The following JPH3 variants were observed in gnomAD, a reference collection of about 807,000 sequenced individuals.
JPH3 encodes the protein junctophilin 3.
In JPH3, 11 loss-of-function variants were observed where a neutral mutation model predicts 59.6. The ratio of observed to expected loss-of-function variants is 0.18; its 90% confidence interval spans 0.12 to 0.31. The LOEUF is 0.31. Among genes scored for constraint, JPH3 ranks in the 10% least tolerant of loss-of-function variants. The pLI, the probability that JPH3 is intolerant of heterozygous loss-of-function variation, is 1.00. For missense variants in JPH3, 1,202 were observed against 1,105.7 expected, an observed-to-expected ratio of 1.09 and a Z score of -1.24; for synonymous variants, 673 against 483.6, an observed-to-expected ratio of 1.39 and a Z score of -5.14.
intron 3 of JPH3, among the ~76,000 whole-genome samples, chr16:87,685,741 C>A: frequency 6.6e-6 from 1 of 152,236 alleles, no homozygotes; most frequent in South Asian, 2.1e-4. Flanking sequence ...TCCAGCCCTG[C>A]CTGCGACTCA....
intron 2 of JPH3, among the ~76,000 whole-genome samples, chr16:87,660,904 A>G (rs947078082): frequency 6.6e-6 from 1 of 152,206 alleles, no homozygotes; most frequent in Non-Finnish European, 1.5e-5. Context: ...CAGTTTTCTC[A>G]TCTGTCCAGT....
chr16:87,656,224 CAG>C (rs1491424577), intron 2 of JPH3, among the ~76,000 whole-genome samples: 37 of 152,356 alleles, frequency 2.4e-4, no homozygotes, highest in Middle Eastern at 3.4e-3. Context: ...GCCCAGGAAA[CAG>C]AGTCTTTCAT....
intron 2 of JPH3, among the ~76,000 whole-genome samples, chr16:87,646,374 C>A (rs1327492897): frequency 6.6e-6 from 1 of 152,204 alleles, no homozygotes; most frequent in Non-Finnish European, 1.5e-5. Context: ...GGAATTACTA[C>A]CTGACACCGA....
intron 1 of JPH3, among the ~76,000 whole-genome samples, chr16:87,609,006 C>A (rs1409321379): frequency 2.6e-5 from 4 of 152,224 alleles, no homozygotes; most frequent in African/African-American, 9.6e-5. Context: ...CACTGCACTC[C>A]AGCCTGCTGA....
At chr16:87,676,517 C>T (rs906968142) in intron 2 of JPH3, among the ~76,000 whole-genome samples, 25 of 152,074 alleles carry the variant, frequency 1.6e-4, no homozygotes, top group Non-Finnish European at 2.4e-4. Context: ...AGGTGGATCA[C>T]GAGGTCAAGA....
chr16:87,646,451 G>T (rs1267655109), intron 2 of JPH3, among the ~76,000 whole-genome samples: 1 of 152,196 alleles, frequency 6.6e-6, no homozygotes, highest in Non-Finnish European at 1.5e-5. Flanking sequence ...ATAAACAGCA[G>T]CCCACGTGTG....
At chr16:87,687,088 C>T (rs567992033) in intron 3 of JPH3, among the ~76,000 whole-genome samples, 5 of 152,310 alleles carry the variant, frequency 3.3e-5, no homozygotes, top group African/African-American at 9.6e-5. Flanking sequence ...GAGATTTGAT[C>T]CAAGCATTTC....
At chr16:87,648,241 GA>G (rs140977145) in intron 2 of JPH3, among the ~76,000 whole-genome samples, 18,657 of 148,934 alleles carry the variant, frequency 0.13, 1,323 homozygotes, top group African/African-American at 0.17. Context: ...AGAATTTGGG[GA>G]AAAAAAAAAG....
chr16:87,604,287 C>CCTGCTA (rs2030406076), intron 1 of JPH3: 13 of 1,432,804 alleles, frequency 9.1e-6, no homozygotes, highest in South Asian at 2.4e-5. Flanking sequence ...CAGGGAGCTG[C>CCTGCTA]CTGCTGCTGC....
At chr16:87,643,848 AG>A (rs1413392668) in intron 1 of JPH3, among the ~76,000 whole-genome samples, 42 of 139,000 alleles carry the variant, frequency 3.0e-4, no homozygotes, top group African/African-American at 1.0e-3. Flanking sequence ...GGTTTCATCA[AG>A]ATAGCACACC....
intron 4 of JPH3, chr16:87,696,032 CGTGAGGGGTTTGTTGAGGAAGGTGTG>C (rs1567621805): frequency 2.2e-6 from 1 of 455,906 alleles, no homozygotes; most frequent in African/African-American, 2.0e-5. Context: ...AGCCAGTTGG[CGTGAGGGGTTTGTTGAGGAAGGTGTG>C]GTGAGGGGGG....
rs1163955529 is a variant in JPH3 at position 87,690,252 on chromosome 16, G to A, written c.1892G>A (p.Ser631Asn). Residue 631 changes from serine (S) to asparagine (N), a missense_variant, in exon 4 of 5, where the codon AGC (serine) becomes AAC (asparagine). Ser to Asn is a conservative substitution (Grantham distance 46). Transcript: ENST00000284262. ...ACGCATCCCCAGAAAAGACGCTACA[G>A]CAAGGGCGGCGCCTGCCGGGGCTTG... The part of the protein sequence containing the change: ...METHPQKRRY[S>N]KGGACRGLGD... The A allele has an allele frequency of 6.2e-6, 10 of 1,604,022 alleles. No homozygotes were observed. The highest frequency in any genetic ancestry group is 4.3e-6 in the Non-Finnish European group (5 of 1,175,748).
intron 2 of JPH3, among the ~76,000 whole-genome samples, chr16:87,682,471 T>G (rs2033319686): frequency 6.6e-6 from 1 of 152,064 alleles, no homozygotes; most frequent in Non-Finnish European, 1.5e-5. Context: ...GGACTGAGCC[T>G]CATAGTGGGG....
At chr16:87,689,490 G>T (rs1024364713) in intron 3 of JPH3, among the ~76,000 whole-genome samples, 156 bp from the exon 4 acceptor site, 1 of 147,084 alleles carries the variant, frequency 6.8e-6, no homozygotes, top group Non-Finnish European at 1.5e-5. Flanking sequence ...TGGGAGCCAC[G>T]GTCCCCACTC....
At chr16:87,641,617 C>A (rs1431232906) in intron 1 of JPH3, among the ~76,000 whole-genome samples, 1 of 152,254 alleles carries the variant, frequency 6.6e-6, no homozygotes, top group African/African-American at 2.4e-5. Flanking sequence ...ATCCCCAGCT[C>A]AGGCTCTGCT....
chr16:87,676,433 TGGTATATAG>T (rs1239063654), intron 2 of JPH3, among the ~76,000 whole-genome samples: 1 of 152,202 alleles, frequency 6.6e-6, no homozygotes, highest in Non-Finnish European at 1.5e-5. Flanking sequence ...CCTTCATTTA[TGGTATATAG>T]GTGATATTTT....
At chr16:87,660,333 G>T (rs950961284) in intron 2 of JPH3, among the ~76,000 whole-genome samples, 1 of 152,134 alleles carries the variant, frequency 6.6e-6, no homozygotes, top group Non-Finnish European at 1.5e-5. Flanking sequence ...TGCAGGGAGG[G>T]CACAGAGGAC....
At chr16:87,621,218 C>T (rs1049357812) in intron 1 of JPH3, among the ~76,000 whole-genome samples, 8 of 152,222 alleles carry the variant, frequency 5.3e-5, no homozygotes, top group African/African-American at 1.2e-4. Context: ...GCTAACTTCT[C>T]GCCCTGGCAG....
intron 2 of JPH3, among the ~76,000 whole-genome samples, chr16:87,660,734 G>A (rs2032673849): frequency 6.6e-6 from 1 of 152,168 alleles, no homozygotes; most frequent in Non-Finnish European, 1.5e-5. Flanking sequence ...CATATCGCCT[G>A]TCTGAGCCTC....
Sources: gnomAD v4.1 joint callset for allele counts (sites outside exome capture counted in the v4.1 genomes callset) on GRCh38, gnomAD v4.1.1 for gene constraint, MANE v1.5 for transcripts, NCBI Gene and HGNC (gene_info 2026-07-23, HGNC 2026-07-21) for gene names.